PCDHGB2: variants seen among roughly 807,000 people sequenced by gnomAD.
The protein encoded by PCDHGB2 is protocadherin gamma subfamily B, 2, also known as protocadherin gamma-B2.
PCDHGB2 carries 55 observed loss-of-function variants against 59.3 expected under a neutral mutation model. The observed-to-expected ratio is 0.93, with a 90% CI of 0.75 to 1.16. PCDHGB2 has a LOEUF of 1.16. PCDHGB2 is among the 50% of genes most tolerant of loss of function. The pLI is 0.00. For missense variants in PCDHGB2, 1,228 were observed against 1,198.5 expected (o/e 1.02, Z -0.36); for synonymous variants, 516 against 512.0 (o/e 1.01, Z -0.11).
chr5:141,421,353 G>T, intron 1 of PCDHGB2: 1 of 1,613,998 alleles, frequency 6.2e-7, no homozygotes, highest in Non-Finnish European at 8.5e-7. Context: ...AGACCGAAAA[G>T]GGCTCCTTCG....
At chr5:141,510,580 G>A (rs947369646) in intron 3 of PCDHGB2, among the ~76,000 whole-genome samples, 7 of 152,248 alleles carry the variant, frequency 4.6e-5, no homozygotes, top group South Asian at 2.1e-4. Flanking sequence ...ACTATTTTAC[G>A]TACCTGACAT....
In PCDHGB2 at chr5:141,485,340, C is replaced by T. The variant is rs139641513; in HGVS notation, c.2422-9467C>T. ...GTCGCTCAAGATTTCCTGCTGGATA[C>T]GGACAGTCTGTCAGCTCGCAGGCTG... is the stretch of plus-strand genomic sequence containing the variant. On this transcript the variant is annotated intron_variant, in intron 1 of 3. Coordinates refer to ENST00000522605, the MANE Select transcript of PCDHGB2 (RefSeq NM_018923.3). This position sits in a 1 kb window ranked among gnomAD's most constrained non-coding sequence, Gnocchi z 5.7. 1.2e-6 allele frequency: 2 copies of T among 1,613,958 alleles called. No individual in the cohort carries two copies. Among genetic ancestry groups the T allele is most frequent in the East Asian group, 2.2e-5 (1 of 44,884 alleles).
chr5:141,476,083 T>C lies in PCDHGB2; in HGVS notation c.2422-18724T>C. 1 of 1,547,886 alleles carries C rather than the reference T, an allele frequency of 6.5e-7. No homozygotes were observed. The highest frequency in any genetic ancestry group is 8.7e-7 in the Non-Finnish European group (1 of 1,153,242). The stretch of plus-strand genomic sequence containing the variant: ...TCTCAGCGAAATCTCAGGGACGATC[T>C]GGACCCCGCTGAGAGGAACTGCTTT... On this transcript the variant is annotated intron_variant, in intron 1 of 3. Coordinates refer to ENST00000522605, the MANE Select transcript of PCDHGB2 (RefSeq NM_018923.3). This position sits in a 1 kb window ranked among gnomAD's most constrained non-coding sequence, Gnocchi z 7.6.
At chr5:141,376,417 G>T (rs750081761) in intron 1 of PCDHGB2, 2 of 1,614,148 alleles carry the variant, frequency 1.2e-6, no homozygotes, top group South Asian at 1.1e-5. Flanking sequence ...ATGCCGACAC[G>T]CTTATCAACC....
chr5:141,428,266 G>A (rs764763674), intron 1 of PCDHGB2: 1 of 810,620 alleles, frequency 1.2e-6, no homozygotes. Context: ...TGACAGTCCT[G>A]TGCCCTCTGA....
chr5:141,486,474 C>G lies in PCDHGB2; in HGVS notation c.2422-8333C>G. ...ACTGCTTCTGATGCTGGGAACCCTC[C>G]TCTCAGTACCCACAGAACTATTTTC... On this transcript the variant is annotated intron_variant, in intron 1 of 3. Transcript: ENST00000522605. The surrounding 1 kb of genome is among the most constrained non-coding windows in gnomAD (Gnocchi z 5.0). The G allele has an allele frequency of 6.2e-7, 1 of 1,614,016 alleles. No individual in the cohort carries two copies. Among genetic ancestry groups the G allele is most frequent in the Non-Finnish European group, 8.5e-7 (1 of 1,179,822 alleles).
chr5:141,398,980 G>A (rs772840804), intron 1 of PCDHGB2: 3 of 1,613,860 alleles, frequency 1.9e-6, no homozygotes, highest in South Asian at 2.2e-5. Flanking sequence ...CTACAGAACC[G>A]GGCAAATCTT....
intron 1 of PCDHGB2, among the ~76,000 whole-genome samples, chr5:141,465,443 C>T (rs979024871): frequency 6.6e-6 from 1 of 152,158 alleles, no homozygotes; most frequent in Non-Finnish European, 1.5e-5. Flanking sequence ...AATGATTACC[C>T]AAGAAAACTC....
At chr5:141,434,784 A>T (rs967716221) in intron 1 of PCDHGB2, among the ~76,000 whole-genome samples, 11 of 150,278 alleles carry the variant, frequency 7.3e-5, no homozygotes, top group East Asian at 5.8e-4. Flanking sequence ...AAAAAAAAAA[A>T]TTTTTTTTTC....
chr5:141,413,541 GATAGAA>G (rs2095653692), intron 1 of PCDHGB2: 1 of 1,613,904 alleles, frequency 6.2e-7, no homozygotes, highest in Non-Finnish European at 8.5e-7. Flanking sequence ...AACTTTTTGG[GATAGAA>G]ATAGAAGTAA....
At chr5:141,419,125 C>T in intron 1 of PCDHGB2, 1 of 1,613,852 alleles carries the variant, frequency 6.2e-7, no homozygotes, top group South Asian at 1.1e-5. Flanking sequence ...ACGTCACCAT[C>T]GCAGCCACAG....
At chr5:141,463,981 A>G (rs1441851777) in intron 1 of PCDHGB2, among the ~76,000 whole-genome samples, 1 of 152,150 alleles carries the variant, frequency 6.6e-6, no homozygotes, top group Non-Finnish European at 1.5e-5. Context: ...ACTCCATTGT[A>G]AAAACCAGGT....
At position 141,494,854 on chromosome 5, in the gene PCDHGB2, C is replaced by T. The variant is rs1353498253; in HGVS notation, c.2469C>T (p.Pro823=). ...TDWRFSQAQR[P]GTSGSQNGDD... The stretch of plus-strand genomic sequence containing the variant: ...GGCGTTTCTCTCAGGCCCAGAGACC[C>T]GGCACCAGCGGGTAGGTGACTGATT... The change falls in exon 2 of 4, where the codon CCC becomes CCT. Residue 823 remains proline (P), a synonymous_variant. Coordinates refer to ENST00000522605, the MANE Select transcript of PCDHGB2 (RefSeq NM_018923.3). 1.2e-6 allele frequency: 2 copies of T among 1,614,120 alleles called. No homozygotes were observed. Among genetic ancestry groups the T allele is most frequent in the East Asian group, 2.2e-5 (1 of 44,870 alleles).
chr5:141,414,986 A>G, intron 1 of PCDHGB2: 4 of 1,613,824 alleles, frequency 2.5e-6, no homozygotes, highest in Non-Finnish European at 3.4e-6. Context: ...GACTCCGGCC[A>G]GAACGCCTGG....
chr5:141,392,628 A>C (rs2092566593), intron 1 of PCDHGB2: 2 of 588,334 alleles, frequency 3.4e-6, no homozygotes, highest in South Asian at 5.4e-5. Flanking sequence ...AAACACTCAG[A>C]TCTCACACCT....
At chr5:141,453,922 T>C (rs2098777315) in intron 1 of PCDHGB2, among the ~76,000 whole-genome samples, 1 of 152,230 alleles carries the variant, frequency 6.6e-6, no homozygotes, top group African/African-American at 2.4e-5. Context: ...CAGTGATCAG[T>C]CACTGTGTGC....
intron 1 of PCDHGB2, chr5:141,414,929 C>T (rs2095802879): frequency 6.2e-7 from 1 of 1,614,152 alleles, no homozygotes; most frequent in Non-Finnish European, 8.5e-7. Context: ...GCGCCCCGCT[C>T]CGCAGAGCCC....
rs78612001 is a variant in PCDHGB2 at position 141,432,435 on chromosome 5, C to A, written c.2422-62372C>A. ...TTCGTGCTGGACCAGAACGACAATG[C>A]GCCCGAGATCCTGTACCCCGCCCTC... On this transcript the variant is annotated intron_variant, in intron 1 of 3. Coordinates refer to ENST00000522605, the MANE Select transcript of PCDHGB2 (RefSeq NM_018923.3). The surrounding 1 kb of genome is among the most constrained non-coding windows in gnomAD (Gnocchi z 6.0). The A allele has an allele frequency of 0.027, 43,228 of 1,614,212 alleles. 830 individuals are homozygous for A. The highest frequency in any genetic ancestry group is 0.092 in the African/African-American group (6,903 of 75,054).
chr5:141,401,641 A>C (rs557366973), intron 1 of PCDHGB2, among the ~76,000 whole-genome samples: 1 of 152,374 alleles, frequency 6.6e-6, no homozygotes, highest in African/African-American at 2.4e-5. Context: ...GGAGCTTTAA[A>C]TATAAATGAC....
Sources: allele counts gnomAD v4.1 joint callset (sites outside exome capture counted in the v4.1 genomes callset), GRCh38; gene constraint gnomAD v4.1.1; non-coding constraint Gnocchi (gnomAD v3.1); transcripts MANE v1.5; gene names NCBI Gene and HGNC (gene_info 2026-07-23, HGNC 2026-07-21).